TSPAN11: variants seen among roughly 807,000 people sequenced by gnomAD.
The protein encoded by TSPAN11 is tetraspanin-11.
Under a neutral mutation model 32.9 loss-of-function variants are expected in TSPAN11, and 29 were observed. The observed-to-expected ratio is 0.88, with a 90% CI of 0.66 to 1.20. TSPAN11 has a LOEUF of 1.20. Ranked by LOEUF, TSPAN11 falls within the 50% of genes most tolerant of loss-of-function variation. The pLI, the probability that TSPAN11 is intolerant of heterozygous loss-of-function variation, is 0.00. For synonymous variants in TSPAN11, 140 were observed against 141.3 expected (o/e 0.99, Z 0.07); for missense variants, 283 against 329.1 (o/e 0.86, Z 1.08).
the TSPAN11 span, among the ~76,000 whole-genome samples, chr12:31,006,287 G>T: frequency 3.9e-5 from 6 of 152,182 alleles, no homozygotes; most frequent in South Asian, 2.1e-4. Context: ...ACCAGAAGTC[G>T]CCAACCACCC....
At chr12:30,949,942 A>G (rs1211181055) in intron 1 of TSPAN11, among the ~76,000 whole-genome samples, 1 of 151,184 alleles carries the variant, frequency 6.6e-6, no homozygotes, top group African/African-American at 2.4e-5. Flanking sequence ...CTCGCACATC[A>G]TTTTGCTGCC....
At chr12:30,974,115 C>T (rs941699024) in intron 3 of TSPAN11, among the ~76,000 whole-genome samples, 7 of 152,358 alleles carry the variant, frequency 4.6e-5, no homozygotes, top group African/African-American at 1.7e-4. Flanking sequence ...CCCTCCCAGG[C>T]AGGTACAGTG....
At chr12:30,991,602 T>C (rs76655009) in intron 7 of TSPAN11, among the ~76,000 whole-genome samples, 4,320 of 152,280 alleles carry the variant, frequency 0.028, 339 homozygotes, top group East Asian at 0.27. Flanking sequence ...CCCATTAAAG[T>C]GTGCAAAGCC....
At chr12:30,988,199 G>A (rs980297943) in intron 7 of TSPAN11, among the ~76,000 whole-genome samples, 10 of 152,194 alleles carry the variant, frequency 6.6e-5, no homozygotes, top group Non-Finnish European at 1.3e-4. Context: ...TCACAGTGCT[G>A]AGGTACCACC....
At chr12:30,926,829 C>A (rs1937803548) in intron 1 of TSPAN11, 33 bp downstream of exon 1, 1 of 769,364 alleles carries the variant, frequency 1.3e-6, no homozygotes, top group Non-Finnish European at 1.8e-6. Context: ...GGAGTGGGGG[C>A]GCCGCGGGAG....
intron 1 of TSPAN11, among the ~76,000 whole-genome samples, chr12:30,945,844 T>G (rs1401270434): frequency 6.6e-6 from 1 of 152,094 alleles, no homozygotes; most frequent in African/African-American, 2.4e-5. Flanking sequence ...TCTATGACAT[T>G]AATGGCCCCC....
downstream of TSPAN11, among the ~76,000 whole-genome samples, chr12:30,999,932 C>T (rs1939461740): frequency 6.6e-6 from 1 of 152,126 alleles, no homozygotes; most frequent in African/African-American, 2.4e-5. Context: ...ATCTGATAGT[C>T]TCTGGAGCCA....
chr12:30,936,579 G>A (rs796258971), intron 1 of TSPAN11, among the ~76,000 whole-genome samples: 10 of 152,346 alleles, frequency 6.6e-5, no homozygotes, highest in African/African-American at 2.4e-4. Flanking sequence ...TGTTCATTGA[G>A]GAGAGCTGCA....
At chr12:30,981,776 A>G (rs143232727) in intron 5 of TSPAN11, among the ~76,000 whole-genome samples, 1 of 152,338 alleles carries the variant, frequency 6.6e-6, no homozygotes, top group African/African-American at 2.4e-5. Context: ...GTAGCTGCCT[A>G]GCAAACTCTT....
rs372219079 is a variant in TSPAN11, at chr12:30,962,628, C to G, written c.85-1198C>G. 4.6e-5 allele frequency among the ~76,000 whole-genome samples: 7 copies of G among 152,292 alleles called. No homozygotes were observed. The South Asian group carries it at 1.5e-3, about 32-fold the overall frequency. ...TAGGTTATATGGAGTCTTCCTGGGG[C>G]AGATGGGGAGCTCCTTTCAGTGACA... On this transcript the variant is annotated intron_variant, in intron 2 of 7. Coordinates refer to ENST00000546076, the MANE Select transcript of TSPAN11 (RefSeq NM_001370302.1).
chr12:30,958,203 A>T (rs748538716), intron 2 of TSPAN11, among the ~76,000 whole-genome samples: 1 of 152,070 alleles, frequency 6.6e-6, no homozygotes, highest in Non-Finnish European at 1.5e-5. Context: ...ATAGGGGTAG[A>T]TGGGACTGGG....
At chr12:31,016,254 CG>C in the TSPAN11 span, among the ~76,000 whole-genome samples, 1 of 152,046 alleles carries the variant, frequency 6.6e-6, no homozygotes, top group African/African-American at 2.4e-5. Context: ...GGACGCAAGG[CG>C]GGAGTTGGGC....
intron 1 of TSPAN11, among the ~76,000 whole-genome samples, chr12:30,952,649 C>A (rs1177864157): frequency 6.6e-6 from 1 of 152,064 alleles, no homozygotes; most frequent in Non-Finnish European, 1.5e-5. Context: ...CACGCACCAG[C>A]CCAGGAGGCA....
At chr12:30,983,302 C>T (rs573250860) in intron 7 of TSPAN11, 152 bp downstream of exon 7, 2 of 731,128 alleles carry the variant, frequency 2.7e-6, no homozygotes, top group East Asian at 5.5e-5. Flanking sequence ...CTTCCCTCTG[C>T]AACCAAGGCT....
chr12:31,008,511 A>G, the TSPAN11 span, among the ~76,000 whole-genome samples: 1 of 152,278 alleles, frequency 6.6e-6, no homozygotes, highest in East Asian at 1.9e-4. Flanking sequence ...CTGGTAGTGG[A>G]GAGAGGTGAG....
chr12:30,933,325 G>A (rs899202881), intron 1 of TSPAN11, among the ~76,000 whole-genome samples: 4 of 152,210 alleles, frequency 2.6e-5, no homozygotes, highest in African/African-American at 9.7e-5. Context: ...CTCCATGTAT[G>A]TGACAGCCAA....
intron 1 of TSPAN11, among the ~76,000 whole-genome samples, chr12:30,935,373 G>GTT (rs35076467): frequency 1.5e-4 from 18 of 120,918 alleles, no homozygotes; most frequent in African/African-American, 5.1e-4. Context: ...TGCTTTGTGG[G>GTT]TTTTTTTTTT....
Position 30,963,936 on chromosome 12 carries a change from C to G in TSPAN11, c.195C>G (p.Ile65Met). 6.2e-7 allele frequency: 1 copy of G among 1,614,122 alleles called. No homozygotes were observed. The highest frequency in any genetic ancestry group is 1.1e-5 in the South Asian group (1 of 91,082). Residue 65 changes from isoleucine (I) to methionine (M), a missense_variant, in exon 3 of 8, where the codon ATC becomes ATG. Physicochemically the swap from Ile to Met is conservative, Grantham distance 10. Transcript: ENST00000546076. ...STFAASAYIL[I>M]FAGVLVMVTG... ...TTGCCGCCTCCGCCTACATCCTCAT[C>G]TTTGCGGGCGTACTTGTCATGGTGA...
intron 1 of TSPAN11, among the ~76,000 whole-genome samples, chr12:30,941,224 T>C (rs533888674): frequency 2.8e-4 from 43 of 152,370 alleles, no homozygotes; most frequent in Admixed American, 2.8e-3. Context: ...ACTTTTCACA[T>C]GCAAGGGTTC....
Sources: allele counts gnomAD v4.1 joint callset (sites outside exome capture counted in the v4.1 genomes callset), GRCh38; gene constraint gnomAD v4.1.1; transcripts MANE v1.5; gene names NCBI Gene and HGNC (gene_info 2026-07-23, HGNC 2026-07-21).